The following LRRC43 variants were observed in gnomAD, a reference collection of about 807,000 sequenced individuals.
LRRC43 encodes the protein leucine-rich repeat-containing protein 43.
LRRC43 carries 62 observed loss-of-function variants against 64.3 expected under a neutral mutation model. The ratio of observed to expected loss-of-function variants is 0.96; its 90% CI spans 0.79 to 1.19. The LOEUF (loss-of-function observed/expected upper bound fraction) is 1.19, where lower values mean the gene tolerates loss of function less well. Ranked by LOEUF, LRRC43 falls within the 50% of genes most tolerant of loss-of-function variation. LRRC43 has a pLI of 0.00. For missense variants in LRRC43, 868 were observed against 845.0 expected (o/e 1.03, Z -0.34); for synonymous variants, 422 against 382.3 (o/e 1.10, Z -1.21).
Position 122,200,246 on chromosome 12 carries a change from C to A in LRRC43, c.1407C>A (p.Tyr469Ter). ...GGGCTGAGGTCATCCCCTGCAGTTA[C>A]GAGATGCAGCACTCTCTCAGGGACC... ...KPWAEVIPCS[Y>*]EMQHSLRDLV... Residue 469 changes from tyrosine to a stop codon, truncating the protein, a stop_gained, in exon 8 of 12, where the codon TAC (tyrosine) becomes TAA (stop). Transcript: ENST00000339777. LOFTEE classifies it high-confidence loss of function. This position sits in a 1 kb window ranked among gnomAD's most constrained non-coding sequence, Gnocchi z 4.6. 1 of 1,614,020 alleles carries A rather than the reference C, an allele frequency of 6.2e-7. No homozygotes were observed. The highest frequency in any genetic ancestry group is 8.5e-7 in the Non-Finnish European group (1 of 1,180,006).
At chr12:122,190,605 G>A (rs1953707664) in intron 5 of LRRC43, among the ~76,000 whole-genome samples, 1 of 152,214 alleles carries the variant, frequency 6.6e-6, no homozygotes, top group Admixed American at 6.5e-5. Flanking sequence ...GCTAACGCCT[G>A]TAATCCCAGC....
At chr12:122,189,724 T>C (rs1174827385) in intron 4 of LRRC43, among the ~76,000 whole-genome samples, 2 of 152,096 alleles carry the variant, frequency 1.3e-5, no homozygotes, top group Non-Finnish European at 2.9e-5. Flanking sequence ...TCCTGCCCTG[T>C]CCACTCCTGC....
At position 122,200,071 on chromosome 12, in the gene LRRC43, C is replaced by T. The variant is rs1014388073; in HGVS notation, c.1350-118C>T. The T allele has an allele frequency of 1.1e-5, 12 of 1,123,224 alleles. No homozygotes were observed. In the African/African-American group the frequency reaches 1.6e-4, roughly 15 times the overall value. The allele number at this position is 1,123,224 out of a possible 1,614,324, so 69.6% of individuals were successfully genotyped here. ...TGGCAGCCGGACCTCACGTCTCATGCTGTTTGTGGGCTTCGATGCTCGTGG... is the reference window on the plus strand; with the variant it reads ...TGGCAGCCGGACCTCACGTCTCATGTTGTTTGTGGGCTTCGATGCTCGTGG... On this transcript the variant is annotated intron_variant, in intron 7 of 11. Transcript: ENST00000339777. This position sits in a 1 kb window ranked among gnomAD's most constrained non-coding sequence, Gnocchi z 4.6.
chr12:122,192,969 G>T lies in LRRC43; in HGVS notation c.1314G>T (p.Arg438Ser), dbSNP rs368872907. The T allele has an allele frequency of 1.2e-6, 2 of 1,614,070 alleles. No individual in the cohort carries two copies. Among genetic ancestry groups the T allele is most frequent in the Admixed American group, 1.7e-5 (1 of 59,998 alleles). Residue 438 changes from arginine to serine, a missense_variant, in exon 7 of 12, where the codon AGG becomes AGT. Coordinates refer to ENST00000339777, the MANE Select transcript of LRRC43 (RefSeq NM_001098519.2). ...RASAEELAKL[R>S]LRIDPRLCPS... Reference sequence around the variant, plus strand: ...CTGCAGAAGAGCTGGCCAAGTTGAGGCTGCGTATAGATCCCCGGCTCTGCC... The same window carrying T: ...CTGCAGAAGAGCTGGCCAAGTTGAGTCTGCGTATAGATCCCCGGCTCTGCC...
rs1449472562 is a variant in LRRC43, at chr12:122,184,215, C to T, written c.151-304C>T. 6.6e-6 allele frequency among the ~76,000 whole-genome samples: 1 copy of T among 151,940 alleles called. No individual in the cohort carries two copies. Among genetic ancestry groups the T allele is most frequent in the East Asian group, 1.9e-4 (1 of 5,156 alleles). ...GTTCAAACGATTCTCCTGCCTTAGC[C>T]TCCCGAGTAGCTGAGACTACAGTTG... On this transcript the variant is annotated intron_variant, in intron 1 of 11. Coordinates refer to ENST00000339777, the MANE Select transcript of LRRC43 (RefSeq NM_001098519.2). The surrounding 1 kb of genome is among the most constrained non-coding windows in gnomAD (Gnocchi z 4.0).
rs752356514 is a variant in LRRC43, at chr12:122,194,495, G to A, written c.1349+1491G>A. Among the ~76,000 whole-genome samples the A allele has an allele frequency of 1.3e-4, 20 of 151,354 alleles. 1 individual carries two copies. The highest frequency in any genetic ancestry group is 8.8e-5 in the Non-Finnish European group (6 of 67,852). ...GCAGGAGAATTGCTTGAACCCAGGAGGCAGAGGTTGCGGTGAGCCAGGATT... is the reference window on the plus strand; with the variant it reads ...GCAGGAGAATTGCTTGAACCCAGGAAGCAGAGGTTGCGGTGAGCCAGGATT... On this transcript the variant is annotated intron_variant, in intron 7 of 11. Transcript: ENST00000339777.
rs777343755 is a variant in LRRC43, at chr12:122,200,598, G to A, written c.1558G>A (p.Glu520Lys). Reference protein sequence around the residue: ...SPLSAKKGKGEKDKKGKEKDR... With the variant: ...SPLSAKKGKGKKDKKGKEKDR... ...CCTGTCTGCCAAGAAAGGAAAGGGG[G>A]AGAAAGACAAGAAAGGGAAGGAGAA... is the stretch of plus-strand genomic sequence containing the variant. Residue 520 changes from glutamate to lysine, a missense_variant, in exon 9 of 12, where the codon GAG becomes AAG. Coordinates refer to ENST00000339777, the MANE Select transcript of LRRC43 (RefSeq NM_001098519.2). This position sits in a 1 kb window ranked among gnomAD's most constrained non-coding sequence, Gnocchi z 4.6. 24 of 1,614,178 alleles carry A rather than the reference G, an allele frequency of 1.5e-5. No individual in the cohort carries two copies. The South Asian group carries it at 2.0e-4, about 13-fold the overall frequency.
At chr12:122,168,526 G>T (rs539108166) in intron 1 of LRRC43, among the ~76,000 whole-genome samples, 1 of 151,768 alleles carries the variant, frequency 6.6e-6, no homozygotes, top group East Asian at 2.0e-4. Context: ...TCACTCAAGT[G>T]ATCCACCCAC....
chr12:122,184,904 C>T lies in LRRC43; in HGVS notation c.411+125C>T, dbSNP rs912375333. 1.8e-5 allele frequency: 19 copies of T among 1,074,270 alleles called. No homozygotes were observed. Among genetic ancestry groups the T allele is most frequent in the Non-Finnish European group, 2.5e-5 (19 of 748,784 alleles). 66.5% of individuals were successfully genotyped at this position (1,074,270 alleles called of 1,614,324 possible). On this transcript the variant is annotated intron_variant, in intron 2 of 11. Transcript: ENST00000339777. The surrounding 1 kb of genome is among the most constrained non-coding windows in gnomAD (Gnocchi z 4.0). ...TTTCAGGGCTGAAACGAAGGCCAGC[C>T]TGCCCTCCATCTGCTTCATCTCCCT...
intron 4 of LRRC43, chr12:122,189,660 G>A (rs1953690755): frequency 1.9e-5 from 7 of 366,610 alleles, no homozygotes; most frequent in East Asian, 1.5e-4. Context: ...CTTCTAGACC[G>A]CCCAGCCCTC....
At position 122,172,104 on chromosome 12, in the gene LRRC43, CA is replaced by C. The variant is rs1953490264; in HGVS notation, c.-406+4324del. ...CAGGGAGCATTGACAACTCTTAGTA[CA>C]ATAAATATCAATAAATTAACATAGC... is the stretch of plus-strand genomic sequence containing the variant. On this transcript the variant is annotated intron_variant, in intron 1 of 5. Coordinates refer to the LRRC43 transcript ENST00000537729. 1.9e-5 allele frequency: 5 copies of C among 262,546 alleles called. No homozygotes were observed. In the East Asian group the frequency reaches 4.6e-4, roughly 24 times the overall value. 16.3% of individuals were successfully genotyped at this position (262,546 alleles called of 1,614,324 possible).
intron 4 of LRRC43, among the ~76,000 whole-genome samples, chr12:122,188,422 A>C (rs1326575012): frequency 6.7e-6 from 1 of 148,444 alleles, no homozygotes; most frequent in African/African-American, 2.5e-5. Flanking sequence ...TTTTTATTTT[A>C]ATTTTTTTAT....
rs879181284 is a variant in LRRC43 at position 122,184,625 on chromosome 12, G to A, written c.257G>A (p.Gly86Asp). Residue 86 changes from glycine to aspartate, a missense_variant, in exon 2 of 12, where the codon GGC becomes GAC. By Grantham distance (94) the Gly-to-Asp change is moderately conservative. Transcript: ENST00000339777. The surrounding 1 kb of genome is among the most constrained non-coding windows in gnomAD (Gnocchi z 4.0). ...GAGGAGACGGTGGAGGCCCTGCTGG[G>A]CCTGGTCCGCAGCCGCCACTCCCCC... Reference protein sequence around the residue: ...PGEETVEALLGLVRSRHSPWA... With the variant: ...PGEETVEALLDLVRSRHSPWA... 6.2e-7 allele frequency: 1 copy of A among 1,613,872 alleles called. No individual in the cohort carries two copies. Among genetic ancestry groups the A allele is most frequent in the South Asian group, 1.1e-5 (1 of 91,080 alleles).
chr12:122,189,405 T>C, intron 4 of LRRC43: 1 of 456,520 alleles, frequency 2.2e-6, no homozygotes. Flanking sequence ...TCTCTTCTGC[T>C]CTTAGGGGAA....
At position 122,184,820 on chromosome 12, in the gene LRRC43, C is replaced by T. The variant is rs182755986; in HGVS notation, c.411+41C>T. ...GTGGTAGGTGATGTTAGGGTGGCCGCTCCCCTAAGGGAGGTTGTGGGGAGG... is the reference window on the plus strand; with the variant it reads ...GTGGTAGGTGATGTTAGGGTGGCCGTTCCCCTAAGGGAGGTTGTGGGGAGG... On this transcript the variant is annotated intron_variant, in intron 2 of 11. Transcript: ENST00000339777. The surrounding 1 kb of genome is among the most constrained non-coding windows in gnomAD (Gnocchi z 4.0). 2.9e-5 allele frequency: 46 copies of T among 1,562,884 alleles called. No individual in the cohort carries two copies. In the African/African-American group the frequency reaches 5.2e-4, roughly 18 times the overall value.
intron 1 of LRRC43, chr12:122,174,026 C>G (rs768338321): frequency 4.3e-6 from 7 of 1,613,416 alleles, no homozygotes. Flanking sequence ...GCGCATACAT[C>G]ACACACCCCT....
intron 4 of LRRC43, among the ~76,000 whole-genome samples, chr12:122,188,214 C>T (rs892195284): frequency 6.6e-6 from 1 of 152,130 alleles, no homozygotes; most frequent in Non-Finnish European, 1.5e-5. Flanking sequence ...TCACGCCATT[C>T]TCCTGCCTCA....
chr12:122,203,241 G>GGA, intron 11 of LRRC43, 74 bp from the exon 12 acceptor site: 1 of 1,554,942 alleles, frequency 6.4e-7, no homozygotes, highest in Non-Finnish European at 8.7e-7. Flanking sequence ...CTTGCATATG[G>GGA]GATGGGTCAG....
intron 1 of LRRC43, among the ~76,000 whole-genome samples, chr12:122,175,949 G>A (rs1241134189): frequency 6.6e-6 from 1 of 152,198 alleles, no homozygotes; most frequent in Non-Finnish European, 1.5e-5. Context: ...TTATAGGCAT[G>A]AGCGACTGCA....
Sources: allele counts gnomAD v4.1 joint callset (sites outside exome capture counted in the v4.1 genomes callset), GRCh38; gene constraint gnomAD v4.1.1; non-coding constraint Gnocchi (gnomAD v3.1); transcripts MANE v1.5; gene names NCBI Gene and HGNC (gene_info 2026-07-23, HGNC 2026-07-21).